ZZEF1: variants seen among roughly 807,000 people sequenced by gnomAD.
ZZEF1 encodes zinc finger ZZ-type and EF-hand domain-containing protein 1.
Under a neutral mutation model 342.8 loss-of-function variants are expected in ZZEF1, and 157 were observed. That is an observed-to-expected ratio of 0.46 (90% CI 0.40 to 0.52). ZZEF1 has a LOEUF of 0.52. Among genes scored for constraint, ZZEF1 ranks in the 20% least tolerant of loss-of-function variants. ZZEF1 has a pLI of 0.00. For synonymous variants in ZZEF1, 1,505 were observed against 1,429.1 expected, an observed-to-expected ratio of 1.05 and a Z score of -1.20; for missense variants, 3,480 against 3,725.6, an observed-to-expected ratio of 0.93 and a Z score of 1.72.
intron 30 of ZZEF1, among the ~76,000 whole-genome samples, chr17:4,061,168 C>T (rs117750063): frequency 0.027 from 4,155 of 152,288 alleles, 71 homozygotes; most frequent in Non-Finnish European, 0.036. Context: ...TTATCTCTTT[C>T]GAACTCTCAC....
chr17:4,059,048 T>A (rs1483184097), intron 31 of ZZEF1, 123 bp downstream of exon 31: 11 of 790,916 alleles, frequency 1.4e-5, no homozygotes, highest in Non-Finnish European at 2.1e-5. Flanking sequence ...GGTGGTAACA[T>A]TAGAGGTTAT....
Position 4,109,976 on chromosome 17 carries a change from T to C in ZZEF1, c.1067-113A>G. On this transcript the variant is annotated intron_variant, in intron 5 of 54. Transcript: ENST00000381638. ...CATTTTGAAAAGAAAATTCTGAAGG[T>C]ACACTTTGATGACAGAAATAAATAG... The C allele has an allele frequency of 8.7e-6, 8 of 921,432 alleles. 1 individual carries two copies. Among genetic ancestry groups the C allele is most frequent in the Middle Eastern group, 4.4e-4 (2 of 4,584 alleles). The allele number at this position is 921,432 out of a possible 1,614,324, so 57.1% of individuals were successfully genotyped here. A position where few individuals can be genotyped will look rare whatever the true frequency, so the allele number is the denominator to read the frequency against.
intron 7 of ZZEF1, among the ~76,000 whole-genome samples, chr17:4,105,416 T>C (rs754487072): frequency 6.6e-6 from 1 of 152,162 alleles, no homozygotes; most frequent in African/African-American, 2.4e-5. Flanking sequence ...CTATGCCAGT[T>C]GGACTTTGAG....
intron 11 of ZZEF1, among the ~76,000 whole-genome samples, chr17:4,093,265 TAAAAG>T (rs1344254425): frequency 3.9e-5 from 6 of 152,186 alleles, no homozygotes; most frequent in African/African-American, 1.4e-4. Context: ...GTTATTACTT[TAAAAG>T]AAAAGCAGTG....
rs1004764227 is a variant in ZZEF1 at position 4,099,677 on chromosome 17, C to A, written c.1672+2640G>T. Reference sequence around the variant, plus strand: ...TCTCCTGCCTCAGCCTCCCAAGTAGCTGGGACTACAAGTGCCTGCCACCAT... The same window carrying A: ...TCTCCTGCCTCAGCCTCCCAAGTAGATGGGACTACAAGTGCCTGCCACCAT... On this transcript the variant is annotated intron_variant, in intron 9 of 54. Transcript: ENST00000381638. 3.3e-5 allele frequency among the ~76,000 whole-genome samples: 5 copies of A among 152,086 alleles called. No homozygotes were observed. In the South Asian group the frequency reaches 1.0e-3, roughly 32 times the overall value.
intron 3 of ZZEF1, 65 bp downstream of exon 3, chr17:4,116,907 T>C (rs2058403178): frequency 2.0e-6 from 3 of 1,467,060 alleles, no homozygotes; most frequent in Non-Finnish European, 9.1e-7. Flanking sequence ...TTGGCTCATT[T>C]TACCAACACA....
Position 4,016,570 on chromosome 17 carries a change from T to TA in ZZEF1, c.8002-105dup, listed in dbSNP as rs1409686402. On this transcript the variant is annotated intron_variant, in intron 48 of 54. Transcript: ENST00000381638. This position sits in a 1 kb window ranked among gnomAD's most constrained non-coding sequence, Gnocchi z 4.4. ...CCACCCAAAGGTGCTGGCATCATCT[T>TA]AGACCTAGGACGAGCCTCTGTGACT... 1.3e-5 allele frequency: 18 copies of TA among 1,402,604 alleles called. No homozygotes were observed. The highest frequency in any genetic ancestry group is 1.6e-5 in the Non-Finnish European group (17 of 1,056,296). 86.9% of individuals were successfully genotyped at this position (1,402,604 alleles called of 1,614,324 possible).
Position 4,104,614 on chromosome 17 carries a change from C to T in ZZEF1, c.1573+19G>A, listed in dbSNP as rs1474067177. On this transcript the variant is annotated intron_variant, in intron 8 of 54. Coordinates refer to ENST00000381638, the MANE Select transcript of ZZEF1 (RefSeq NM_015113.4). ...CCACTGTTGACATTTCTATCACCCCCATGTTTTACCATATTTACCATATTT... is the reference window on the plus strand; with the variant it reads ...CCACTGTTGACATTTCTATCACCCCTATGTTTTACCATATTTACCATATTT... The T allele has an allele frequency of 1.9e-6, 3 of 1,612,074 alleles. No homozygotes were observed. Among genetic ancestry groups the T allele is most frequent in the African/African-American group, 1.3e-5 (1 of 74,818 alleles).
At chr17:4,089,175 G>C (rs1313707585) in intron 12 of ZZEF1, among the ~76,000 whole-genome samples, 1 of 152,158 alleles carries the variant, frequency 6.6e-6, no homozygotes, top group African/African-American at 2.4e-5. Flanking sequence ...AGAGGATGAA[G>C]AAAAGTACAT....
intron 19 of ZZEF1, 30 bp from the exon 20 acceptor site, chr17:4,077,019 T>C: frequency 6.4e-7 from 1 of 1,570,514 alleles, no homozygotes; most frequent in Non-Finnish European, 8.6e-7. Context: ...AATTAATATA[T>C]TATATAGTAG....
intron 46 of ZZEF1, among the ~76,000 whole-genome samples, chr17:4,019,391 C>G (rs1486139784): frequency 1.3e-5 from 2 of 152,204 alleles, no homozygotes; most frequent in African/African-American, 2.4e-5. Flanking sequence ...TGAGAGACAT[C>G]TTGGTGCCTG....
intron 16 of ZZEF1, among the ~76,000 whole-genome samples, chr17:4,084,116 C>A (rs571092158): frequency 7.9e-5 from 12 of 152,162 alleles, no homozygotes; most frequent in African/African-American, 2.9e-4. Flanking sequence ...TGTCTTATTC[C>A]GCATTTTGAG....
At chr17:4,116,234 G>A (rs898573716) in intron 3 of ZZEF1, among the ~76,000 whole-genome samples, 2 of 152,144 alleles carry the variant, frequency 1.3e-5, no homozygotes, top group African/African-American at 2.4e-5. Context: ...TAGGAGAATC[G>A]CTCGAACCCA....
At chr17:4,116,226 G>A (rs1434850632) in intron 3 of ZZEF1, among the ~76,000 whole-genome samples, 3 of 152,218 alleles carry the variant, frequency 2.0e-5, no homozygotes. Flanking sequence ...GGCTGAGGTA[G>A]GAGAATCGCT....
chr17:4,135,450 G>C lies in ZZEF1; in HGVS notation c.354+7092C>G, dbSNP rs2058732966. On this transcript the variant is annotated intron_variant, in intron 1 of 54. Coordinates refer to ENST00000381638, the MANE Select transcript of ZZEF1 (RefSeq NM_015113.4). ...GAAATCACCACTGCACTGCAGCCTGGGCAACAGAGCAAGACTCCATCTTAA... is the reference window on the plus strand; with the variant it reads ...GAAATCACCACTGCACTGCAGCCTGCGCAACAGAGCAAGACTCCATCTTAA... Among the ~76,000 whole-genome samples, 3 of 148,270 alleles carry C rather than the reference G, an allele frequency of 2.0e-5. No individual in the cohort carries two copies. The South Asian group carries it at 6.6e-4, about 33-fold the overall frequency.
At chr17:4,033,233 A>C in intron 40 of ZZEF1, 2 of 458,216 alleles carry the variant, frequency 4.4e-6, no homozygotes, top group Non-Finnish European at 7.8e-6. Flanking sequence ...ATATCTATAA[A>C]AATCACCTGT....
chr17:4,100,903 T>A (rs1402156816), intron 9 of ZZEF1, among the ~76,000 whole-genome samples: 1 of 152,024 alleles, frequency 6.6e-6, no homozygotes, highest in African/African-American at 2.4e-5. Context: ...AAATTCCAAA[T>A]CTTCAGCAAG....
chr17:4,133,609 T>C (rs961353045), intron 1 of ZZEF1, among the ~76,000 whole-genome samples: 1 of 151,992 alleles, frequency 6.6e-6, no homozygotes, highest in African/African-American at 2.4e-5. Context: ...CACCAAAACT[T>C]CCACAAATCA....
chr17:4,088,939 G>A, intron 12 of ZZEF1, 46 bp from the exon 13 acceptor site: 1 of 1,582,606 alleles, frequency 6.3e-7, no homozygotes. Flanking sequence ...CAGAATCCCT[G>A]AATATTGATT....
Sources: allele counts gnomAD v4.1 joint callset (sites outside exome capture counted in the v4.1 genomes callset), GRCh38; gene constraint gnomAD v4.1.1; non-coding constraint Gnocchi (gnomAD v3.1); transcripts MANE v1.5; gene names NCBI Gene and HGNC (gene_info 2026-07-23, HGNC 2026-07-21).